GRID2: variants seen among roughly 807,000 people sequenced by gnomAD.
GRID2 encodes the protein glutamate receptor ionotropic, delta-2.
A neutral mutation model predicts 114.8 loss-of-function variants in GRID2; 33 were observed. That is an observed-to-expected ratio of 0.29 (90% CI 0.22 to 0.38). The LOEUF is 0.38. Among genes scored for constraint, GRID2 ranks in the 10% least tolerant of loss-of-function variants. The pLI, the probability that GRID2 is intolerant of heterozygous loss-of-function variation, is 1.00. For missense variants in GRID2, 1,184 were observed against 1,257.7 expected, an observed-to-expected ratio of 0.94 and a Z score of 0.89; for synonymous variants, 505 against 449.9, an observed-to-expected ratio of 1.12 and a Z score of -1.55.
intron 4 of GRID2, among the ~76,000 whole-genome samples, chr4:93,203,546 G>T (rs975319724): frequency 6.6e-6 from 1 of 151,984 alleles, no homozygotes; most frequent in Non-Finnish European, 1.5e-5. Context: ...GCATAATTTT[G>T]AAATCATGCC....
intron 2 of GRID2, among the ~76,000 whole-genome samples, chr4:92,901,545 A>C (rs901480011): frequency 6.6e-6 from 1 of 152,148 alleles, no homozygotes; most frequent in Non-Finnish European, 1.5e-5. Context: ...TTGAGGTCCT[A>C]GTCATAAATT....
At chr4:92,589,661 T>C (rs947719050) in intron 1 of GRID2, among the ~76,000 whole-genome samples, 6 of 151,996 alleles carry the variant, frequency 3.9e-5, no homozygotes, top group Non-Finnish European at 8.8e-5. Context: ...TTCAAAAAAA[T>C]GGGGGGAGTA....
chr4:92,633,043 C>T (rs904985248), intron 2 of GRID2, among the ~76,000 whole-genome samples: 1 of 152,080 alleles, frequency 6.6e-6, no homozygotes, highest in Non-Finnish European at 1.5e-5. Context: ...ATAAGTAAGC[C>T]AATTAAATCT....
In GRID2 at chr4:92,937,289, G is replaced by A. The variant is rs186260624; in HGVS notation, c.245-147706G>A. On this transcript the variant is annotated intron_variant, in intron 2 of 15. Transcript: ENST00000282020. ...AAATCCAAGGTCATAGAGATTTTCC[G>A]CATTCTTTCTTCTAAGAATTTTATA... 5.5e-5 allele frequency among the ~76,000 whole-genome samples: 8 copies of A among 146,550 alleles called. 2 individuals are homozygous for A. In the East Asian group the frequency reaches 8.7e-4, roughly 16 times the overall value.
intron 8 of GRID2, among the ~76,000 whole-genome samples, chr4:93,345,251 A>G (rs1361860013): frequency 6.6e-6 from 1 of 152,128 alleles, no homozygotes; most frequent in East Asian, 1.9e-4. Flanking sequence ...TATAATAGCT[A>G]TACTAATTTA....
intron 13 of GRID2, among the ~76,000 whole-genome samples, chr4:93,591,280 T>A (rs1738266340): frequency 6.6e-6 from 1 of 151,804 alleles, no homozygotes. Flanking sequence ...TGTTGAATTT[T>A]GTCAAAGGCC....
chr4:92,562,612 G>T (rs1309366633), intron 1 of GRID2, among the ~76,000 whole-genome samples: 1 of 152,106 alleles, frequency 6.6e-6, no homozygotes, highest in East Asian at 1.9e-4. Flanking sequence ...GTGAGGAGCT[G>T]CTATGTCTCC....
At chr4:93,415,177 A>G (rs547680820) in intron 9 of GRID2, among the ~76,000 whole-genome samples, 1 of 152,134 alleles carries the variant, frequency 6.6e-6, no homozygotes, top group Non-Finnish European at 1.5e-5. Flanking sequence ...AAATACTTGC[A>G]GACTTCTCTC....
At chr4:92,607,333 G>T (rs1014770828) in intron 2 of GRID2, among the ~76,000 whole-genome samples, 3 of 151,910 alleles carry the variant, frequency 2.0e-5, no homozygotes, top group African/African-American at 7.2e-5. Flanking sequence ...CTTTGGTTAA[G>T]GAAGTTGATG....
chr4:92,793,068 A>C (rs1294040006), intron 2 of GRID2, among the ~76,000 whole-genome samples: 1 of 151,730 alleles, frequency 6.6e-6, no homozygotes, highest in Non-Finnish European at 1.5e-5. Flanking sequence ...TATTTTAAAG[A>C]AAAGAAATTT....
intron 8 of GRID2, among the ~76,000 whole-genome samples, chr4:93,366,171 A>T (rs1762314489): frequency 6.6e-6 from 1 of 152,192 alleles, no homozygotes; most frequent in South Asian, 2.1e-4. Context: ...AAGAGAGATA[A>T]CCTTAAACTC....
rs150888749 is a variant in GRID2 at position 93,664,097 on chromosome 4, G to A, written c.2360+37662G>A. Among the ~76,000 whole-genome samples the A allele has an allele frequency of 2.8e-3, 427 of 152,288 alleles. 3 individuals are homozygous for A. Among genetic ancestry groups the A allele is most frequent in the African/African-American group, 9.6e-3 (399 of 41,558 alleles). On this transcript the variant is annotated intron_variant, in intron 14 of 15. Coordinates refer to ENST00000282020, the MANE Select transcript of GRID2 (RefSeq NM_001510.4). ...GAAACCTGAACAGGTGAAGGAGCAAGCCATGCAGATGCCTGCAAAAGAGCA... is the reference window on the plus strand; with the variant it reads ...GAAACCTGAACAGGTGAAGGAGCAAACCATGCAGATGCCTGCAAAAGAGCA...
At chr4:92,509,435 A>G (rs890007697) in intron 1 of GRID2, among the ~76,000 whole-genome samples, 2 of 151,934 alleles carry the variant, frequency 1.3e-5, no homozygotes, top group Non-Finnish European at 2.9e-5. Context: ...TCCTTCATTC[A>G]CTCAACTGAT....
In GRID2 at chr4:92,760,112, TG is replaced by T. The variant is rs542818093; in HGVS notation, c.244+169827del. ...AAAATTAGCCAGGTGTGGTGGCATA[TG>T]CCTGTCTACTCAGCTACTCAGGAGG... On this transcript the variant is annotated intron_variant, in intron 2 of 15. Coordinates refer to ENST00000282020, the MANE Select transcript of GRID2 (RefSeq NM_001510.4). Among the ~76,000 whole-genome samples the T allele has an allele frequency of 2.4e-4, 36 of 151,414 alleles. No individual in the cohort carries two copies. The East Asian group carries it at 6.4e-3, about 27-fold the overall frequency.
At chr4:92,374,758 G>GCACAT (rs1299906675) in intron 1 of GRID2, among the ~76,000 whole-genome samples, 1 of 152,130 alleles carries the variant, frequency 6.6e-6, no homozygotes, top group African/African-American at 2.4e-5. Context: ...TATTCTACAA[G>GCACAT]CACATTTTTA....
At chr4:92,491,517 C>CA (rs1412689984) in intron 1 of GRID2, among the ~76,000 whole-genome samples, 1 of 152,080 alleles carries the variant, frequency 6.6e-6, no homozygotes, top group Non-Finnish European at 1.5e-5. Flanking sequence ...AGCTCAAAAA[C>CA]ATTGGTGTTT....
At chr4:92,860,410 T>C (rs560803357) in intron 2 of GRID2, among the ~76,000 whole-genome samples, 3 of 152,168 alleles carry the variant, frequency 2.0e-5, no homozygotes, top group Non-Finnish European at 4.4e-5. Context: ...GCTTGGATTG[T>C]AGTTGTTAGA....
intron 14 of GRID2, among the ~76,000 whole-genome samples, chr4:93,662,648 G>C (rs1261810179): frequency 6.6e-6 from 1 of 152,182 alleles, no homozygotes; most frequent in Non-Finnish European, 1.5e-5. Context: ...CTTGAAAAGA[G>C]ATGAGTGGTG....
At chr4:93,634,545 C>T (rs1174240242) in intron 14 of GRID2, among the ~76,000 whole-genome samples, 1 of 152,058 alleles carries the variant, frequency 6.6e-6, no homozygotes, top group Non-Finnish European at 1.5e-5. Flanking sequence ...GAGCCTCAGA[C>T]TTAAATATCT....
Sources: allele counts gnomAD v4.1 joint callset (sites outside exome capture counted in the v4.1 genomes callset), GRCh38; gene constraint gnomAD v4.1.1; transcripts MANE v1.5; gene names NCBI Gene and HGNC (gene_info 2026-07-23, HGNC 2026-07-21).